Variants in IFT43 observed in about 807,000 individuals in gnomAD.
IFT43 encodes the protein intraflagellar transport protein 43 homolog.
Under a neutral mutation model 32.3 loss-of-function variants are expected in IFT43, and 33 were observed. The ratio of observed to expected loss-of-function variants is 1.02; its 90% CI spans 0.77 to 1.37. The LOEUF is 1.37. IFT43 is among the 40% of genes most tolerant of loss of function. The pLI is 0.00. For synonymous variants in IFT43, 93 were observed against 98.2 expected, an observed-to-expected ratio of 0.95 and a Z score of 0.31; for missense variants, 274 against 265.9, an observed-to-expected ratio of 1.03 and a Z score of -0.21.
At chr14:76,012,716 G>A (rs1195569582) in intron 2 of IFT43, among the ~76,000 whole-genome samples, 10 of 152,188 alleles carry the variant, frequency 6.6e-5, no homozygotes, top group Non-Finnish European at 1.0e-4. Flanking sequence ...GAGGACTACC[G>A]TCACTTGTTC....
chr14:75,987,493 C>G (rs1442149923), intron 1 of IFT43, among the ~76,000 whole-genome samples: 1 of 152,172 alleles, frequency 6.6e-6, no homozygotes. Flanking sequence ...AACCCAGGAT[C>G]TGAAATCAGA....
chr14:76,080,950 C>A (rs949590708), intron 5 of IFT43, among the ~76,000 whole-genome samples: 2 of 152,114 alleles, frequency 1.3e-5, no homozygotes, highest in Non-Finnish European at 2.9e-5. Context: ...TTTTCCCTAG[C>A]AGCAATTTCT....
chr14:76,011,008 T>C (rs1431044671), intron 2 of IFT43, among the ~76,000 whole-genome samples: 1 of 151,778 alleles, frequency 6.6e-6, no homozygotes, highest in African/African-American at 2.4e-5. Context: ...GCTCAAGTGA[T>C]CTTCTCACCT....
intron 3 of IFT43, among the ~76,000 whole-genome samples, chr14:76,041,881 G>A (rs2036713990): frequency 6.6e-6 from 1 of 152,166 alleles, no homozygotes; most frequent in African/African-American, 2.4e-5. Context: ...ACTGCTCCAT[G>A]ATAATCCCGT....
intron 5 of IFT43, among the ~76,000 whole-genome samples, chr14:76,080,447 G>A (rs1041008388): frequency 6.6e-6 from 1 of 152,324 alleles, no homozygotes; most frequent in East Asian, 1.9e-4. Flanking sequence ...ATTCCTCAGA[G>A]CCCCAAGACG....
intron 7 of IFT43, 61 bp from the exon 8 acceptor site, chr14:76,083,166 A>C: frequency 6.3e-7 from 1 of 1,594,296 alleles, no homozygotes; most frequent in Non-Finnish European, 8.6e-7. Flanking sequence ...GTTTTGTGAG[A>C]AAGAGTTGCC....
At chr14:76,054,430 A>G (rs2036972110) in intron 3 of IFT43, among the ~76,000 whole-genome samples, 1 of 152,226 alleles carries the variant, frequency 6.6e-6, no homozygotes, top group Non-Finnish European at 1.5e-5. Context: ...AGTGTTTGGA[A>G]TCTAGGGTGA....
At chr14:75,990,893 C>G (rs1296277009) in intron 2 of IFT43, among the ~76,000 whole-genome samples, 2 of 152,184 alleles carry the variant, frequency 1.3e-5, no homozygotes, top group African/African-American at 2.4e-5. Flanking sequence ...TTCATTTACT[C>G]AACAACTATT....
intron 5 of IFT43, chr14:76,076,574 T>C: frequency 6.2e-7 from 1 of 1,613,838 alleles, no homozygotes; most frequent in Non-Finnish European, 8.5e-7. Context: ...GAGTCCAATC[T>C]AAGAAGTCAC....
At chr14:76,073,511 C>T (rs2140084066) in intron 5 of IFT43, among the ~76,000 whole-genome samples, 1 of 152,248 alleles carries the variant, frequency 6.6e-6, no homozygotes, top group Non-Finnish European at 1.5e-5. Context: ...AACTTCATGG[C>T]CAAGTGACGC....
At chr14:76,023,221 G>A (rs1347494257) in intron 3 of IFT43, among the ~76,000 whole-genome samples, 7 of 152,310 alleles carry the variant, frequency 4.6e-5, no homozygotes, top group South Asian at 2.1e-4. Context: ...ATCCCTACAG[G>A]GTGATTCAAA....
intron 1 of IFT43, among the ~76,000 whole-genome samples, chr14:75,987,560 C>A (rs2035553097): frequency 6.6e-6 from 1 of 152,152 alleles, no homozygotes; most frequent in South Asian, 2.1e-4. Flanking sequence ...GCCTCAGTTT[C>A]CTCCTTTGTA....
chr14:76,015,064 A>G (rs1447109525), intron 2 of IFT43, among the ~76,000 whole-genome samples: 1 of 152,168 alleles, frequency 6.6e-6, no homozygotes, highest in African/African-American at 2.4e-5. Context: ...TATTGCACCT[A>G]GTGCACATGG....
chr14:76,019,720 A>G (rs2036255444), intron 2 of IFT43, among the ~76,000 whole-genome samples: 1 of 151,938 alleles, frequency 6.6e-6, no homozygotes, highest in African/African-American at 2.4e-5. Context: ...TGTTTTCTTT[A>G]TGGTGTTGCA....
At chr14:75,989,238 T>C (rs192369925) in intron 2 of IFT43, among the ~76,000 whole-genome samples, 1 of 152,290 alleles carries the variant, frequency 6.6e-6, no homozygotes, top group Admixed American at 6.5e-5. Context: ...AGCAAGGGAC[T>C]GGGAAGTTTC....
At chr14:76,069,014 G>T (rs1439720032) in intron 5 of IFT43, among the ~76,000 whole-genome samples, 1 of 152,136 alleles carries the variant, frequency 6.6e-6, no homozygotes, top group Non-Finnish European at 1.5e-5. Flanking sequence ...GAGTGCACTG[G>T]GTGCTGTGAG....
At chr14:76,010,818 A>G (rs942285843) in intron 2 of IFT43, among the ~76,000 whole-genome samples, 4 of 152,074 alleles carry the variant, frequency 2.6e-5, no homozygotes, top group Non-Finnish European at 5.9e-5. Flanking sequence ...TGTTCACACC[A>G]GAATCCAATC....
intron 3 of IFT43, among the ~76,000 whole-genome samples, chr14:76,035,212 A>G (rs969571279): frequency 6.6e-6 from 1 of 152,148 alleles, no homozygotes; most frequent in African/African-American, 2.4e-5. Context: ...CAGTTTATTG[A>G]TGAACGGCAG....
At chr14:76,002,224 G>T (rs2035899866) in intron 2 of IFT43, among the ~76,000 whole-genome samples, 1 of 152,228 alleles carries the variant, frequency 6.6e-6, no homozygotes, top group Admixed American at 6.5e-5. Flanking sequence ...TCCAGCTTGG[G>T]CAACAAGGGT....
Sources: gnomAD v4.1 joint callset for allele counts (sites outside exome capture counted in the v4.1 genomes callset) on GRCh38, gnomAD v4.1.1 for gene constraint, MANE v1.5 for transcripts, NCBI Gene and HGNC (gene_info 2026-07-23, HGNC 2026-07-21) for gene names.